The following MAN1A2 variants were observed in gnomAD, a reference collection of about 807,000 sequenced individuals.
MAN1A2 encodes mannosyl-oligosaccharide 1,2-alpha-mannosidase IB.
Under a neutral mutation model 75.7 loss-of-function variants are expected in MAN1A2, and 26 were observed. The observed-to-expected ratio is 0.34, with a 90% CI of 0.25 to 0.48. The LOEUF (loss-of-function observed/expected upper bound fraction) is 0.48. Among genes scored for constraint, MAN1A2 ranks in the 20% least tolerant of loss-of-function variants. The pLI is 0.99. For synonymous variants in MAN1A2, 247 were observed against 264.6 expected (o/e 0.93, Z 0.65); for missense variants, 562 against 775.5 (o/e 0.72, Z 3.27).
chr1:117,482,087 G>A (rs1161039188), intron 8 of MAN1A2, among the ~76,000 whole-genome samples: 1 of 151,680 alleles, frequency 6.6e-6, no homozygotes, highest in African/African-American at 2.4e-5. Flanking sequence ...ATATATATAT[G>A]TTCTAGGGTA....
intron 5 of MAN1A2, among the ~76,000 whole-genome samples, chr1:117,429,405 G>A (rs1295093064): frequency 2.3e-5 from 3 of 132,046 alleles, no homozygotes; most frequent in South Asian, 2.5e-4. Flanking sequence ...CTCACCTCCC[G>A]GACGGGGCGG....
rs1374455544 is a variant in MAN1A2, at chr1:117,512,063, G to A, written c.1793+9093G>A. Among the ~76,000 whole-genome samples, 4 of 152,226 alleles carry A rather than the reference G, an allele frequency of 2.6e-5. No individual in the cohort carries two copies. The East Asian group carries it at 5.8e-4, about 22-fold the overall frequency. On this transcript the variant is annotated intron_variant, in intron 12 of 12. Transcript: ENST00000356554. ...ATAATAAGAGTAGGAGGGGGAAAGA[G>A]AAGAGAATAATAGACCTACTTTATT... is the stretch of plus-strand genomic sequence containing the variant.
chr1:117,466,063 T>C (rs141518201), intron 7 of MAN1A2, among the ~76,000 whole-genome samples: 12 of 152,270 alleles, frequency 7.9e-5, no homozygotes, highest in Admixed American at 5.9e-4. Flanking sequence ...AGTAGCATGT[T>C]GAGATTTAAA....
intron 1 of MAN1A2, 138 bp from the exon 2 acceptor site, chr1:117,402,048 T>C (rs1647448637): frequency 2.6e-6 from 2 of 782,560 alleles, no homozygotes; most frequent in Admixed American, 3.0e-5. Flanking sequence ...TGTGTCTCAC[T>C]GATAATTCTT....
chr1:117,497,336 C>T (rs1039776271), intron 10 of MAN1A2, among the ~76,000 whole-genome samples: 1 of 151,942 alleles, frequency 6.6e-6, no homozygotes, highest in Non-Finnish European at 1.5e-5. Flanking sequence ...AATTGACTGA[C>T]TTCAGTTATA....
chr1:117,497,679 A>G (rs1279521086), intron 10 of MAN1A2, among the ~76,000 whole-genome samples: 1 of 151,890 alleles, frequency 6.6e-6, no homozygotes, highest in Non-Finnish European at 1.5e-5. Context: ...TTAAAATTTT[A>G]TGGAGGGAGA....
At chr1:117,479,455 T>C (rs994578683) in intron 8 of MAN1A2, among the ~76,000 whole-genome samples, 1 of 151,924 alleles carries the variant, frequency 6.6e-6, no homozygotes, top group South Asian at 2.1e-4. Flanking sequence ...CCTTTGGGTA[T>C]ATATCCAGTA....
rs1652836020 is a variant in MAN1A2, at chr1:117,368,253, T to G, written c.70T>G (p.Phe24Val). Residue 24 changes from phenylalanine (F) to valine (V), a missense_variant, in exon 1 of 13, where the codon TTC becomes GTC. Physicochemically the swap from Phe to Val is conservative, Grantham distance 50 (BLOSUM62 -1). Around this residue, in one of 2 missense-constraint regions of MAN1A2, gnomAD observed 128 missense variants for 129.8 expected, o/e 0.99. Transcript: ENST00000356554. ...ACCTCTGAACCTGGGGCCGCCTTCCTTCCCACATCACAGGGCTACCTTGAG... is the reference window on the plus strand; with the variant it reads ...ACCTCTGAACCTGGGGCCGCCTTCCGTCCCACATCACAGGGCTACCTTGAG... The part of the protein sequence containing the change: ...IPPLNLGPPS[F>V]PHHRATLRLS... 2 of 1,614,180 alleles carry G rather than the reference T, an allele frequency of 1.2e-6. No homozygotes were observed. The highest frequency in any genetic ancestry group is 1.7e-6 in the Non-Finnish European group (2 of 1,180,030).
intron 8 of MAN1A2, among the ~76,000 whole-genome samples, chr1:117,470,529 CCT>C (rs1267902890): frequency 1.3e-5 from 2 of 151,924 alleles, no homozygotes; most frequent in African/African-American, 2.4e-5. Flanking sequence ...AACTTTTATT[CCT>C]CTGTTTTTTC....
chr1:117,377,532 A>T (rs1344126170), intron 1 of MAN1A2, among the ~76,000 whole-genome samples: 1 of 152,188 alleles, frequency 6.6e-6, no homozygotes, highest in Non-Finnish European at 1.5e-5. Flanking sequence ...TGTGAAACTG[A>T]AGTTTCACAA....
chr1:117,465,988 A>G (rs1029298443), intron 7 of MAN1A2, among the ~76,000 whole-genome samples: 1 of 152,136 alleles, frequency 6.6e-6, no homozygotes, highest in Non-Finnish European at 1.5e-5. Context: ...ATTTGAATAT[A>G]TATGTGTTGA....
At chr1:117,431,188 G>GGGGAGA (rs1360275651) in intron 5 of MAN1A2, among the ~76,000 whole-genome samples, 1 of 104,246 alleles carries the variant, frequency 9.6e-6, no homozygotes, top group Non-Finnish European at 2.0e-5. Context: ...GGGAGACCGT[G>GGGGAGA]GGGAGAGGGA....
At chr1:117,460,993 T>C (rs978765091) in intron 7 of MAN1A2, among the ~76,000 whole-genome samples, 1 of 152,172 alleles carries the variant, frequency 6.6e-6, no homozygotes, top group African/African-American at 2.4e-5. Flanking sequence ...ACCTAAGATA[T>C]TAAGACAGTC....
At chr1:117,376,232 T>C (rs952585869) in intron 1 of MAN1A2, among the ~76,000 whole-genome samples, 3 of 152,204 alleles carry the variant, frequency 2.0e-5, no homozygotes, top group Admixed American at 1.3e-4. Context: ...ATTTCTAATA[T>C]ACGGTCTGGG....
rs1652823544 is a variant in MAN1A2, at chr1:117,367,940, G to A, written c.-244G>A. On this transcript the variant is annotated 5_prime_UTR_variant, in exon 1 of 13. Coordinates refer to ENST00000356554, the MANE Select transcript of MAN1A2 (RefSeq NM_006699.5). ...AGGAGGCTTGTAATAATCCGATGAA[G>A]TACAGATGTTGAAGAGGATATCGCA... 1 of 488,996 alleles carries A rather than the reference G, an allele frequency of 2.0e-6. No individual in the cohort carries two copies. Among genetic ancestry groups the A allele is most frequent in the South Asian group, 3.0e-5 (1 of 33,372 alleles). 30.3% of individuals were successfully genotyped at this position (488,996 alleles called of 1,614,324 possible). A position where few individuals can be genotyped will look rare whatever the true frequency, so the allele number is the denominator to read the frequency against.
intron 6 of MAN1A2, among the ~76,000 whole-genome samples, chr1:117,448,614 GA>G (rs1373832964): frequency 6.6e-6 from 1 of 152,160 alleles, no homozygotes; most frequent in Admixed American, 6.5e-5. Context: ...CACTGCATCA[GA>G]AAAGATCAGT....
At chr1:117,381,795 C>T (rs953074491) in intron 1 of MAN1A2, among the ~76,000 whole-genome samples, 1 of 152,052 alleles carries the variant, frequency 6.6e-6, no homozygotes, top group African/African-American at 2.4e-5. Flanking sequence ...AGTTTACAGT[C>T]CCACCAACAG....
At chr1:117,459,663 G>C (rs1649751033) in intron 6 of MAN1A2, among the ~76,000 whole-genome samples, 1 of 151,846 alleles carries the variant, frequency 6.6e-6, no homozygotes, top group Admixed American at 6.6e-5. Context: ...AAAATTACTA[G>C]ACAGATTAAA....
intron 1 of MAN1A2, among the ~76,000 whole-genome samples, chr1:117,386,860 A>T (rs1027221028): frequency 7.0e-6 from 1 of 142,474 alleles, no homozygotes; most frequent in Non-Finnish European, 1.5e-5. Flanking sequence ...GTAGGGAGCT[A>T]TGATTGTGCC....
Sources: gnomAD v4.1 joint callset for allele counts (sites outside exome capture counted in the v4.1 genomes callset) on GRCh38, gnomAD v4.1.1 for gene constraint, gnomAD v4.1.1 regional missense constraint, MANE v1.5 for transcripts, NCBI Gene and HGNC (gene_info 2026-07-23, HGNC 2026-07-21) for gene names.